CEP164: variants seen among roughly 807,000 people sequenced by gnomAD.
CEP164 encodes centrosomal protein of 164 kDa.
In CEP164, 162 loss-of-function variants were observed where a neutral mutation model predicts 182.7. That is an observed-to-expected ratio of 0.89 (90% CI 0.78 to 1.01). The LOEUF is 1.01. Among genes scored for constraint, CEP164 ranks in the 50% least tolerant of loss-of-function variants. CEP164 has a pLI of 0.00. For missense variants in CEP164, 1,735 were observed against 1,790.4 expected (o/e 0.97, Z 0.56); for synonymous variants, 661 against 690.0 (o/e 0.96, Z 0.66).
chr11:117,354,741 AATT>A (rs1357886320), intron 5 of CEP164, among the ~76,000 whole-genome samples: 8 of 149,366 alleles, frequency 5.4e-5, no homozygotes, highest in South Asian at 2.1e-4. Context: ...TAATTTTTTA[AATT>A]ATTATTTTTT....
At chr11:117,364,884 A>G (rs2041445167) in intron 8 of CEP164, among the ~76,000 whole-genome samples, 1 of 152,164 alleles carries the variant, frequency 6.6e-6, no homozygotes, top group Admixed American at 6.5e-5. Flanking sequence ...CCTTTTGATT[A>G]TGACTTTACA....
chr11:117,409,906 C>T lies in CEP164; in HGVS notation c.4037C>T (p.Ser1346Phe). The stretch of plus-strand genomic sequence containing the variant: ...TCAGGGCAGGGGCCCAGGCTCCCCT[C>T]CTCTGTGGCTCAAACGGTGGACGAC... ...WDSGQGPRLPSSVAQTVDDFL... is the reference protein window; with the variant it reads ...WDSGQGPRLPFSVAQTVDDFL... Residue 1346 changes from serine to phenylalanine, a missense_variant, in exon 30 of 33, where the codon TCC becomes TTC. Ser to Phe is a radical substitution (Grantham distance 155). Coordinates refer to ENST00000278935, the MANE Select transcript of CEP164 (RefSeq NM_014956.5). This position sits in a 1 kb window ranked among gnomAD's most constrained non-coding sequence, Gnocchi z 4.4. 6.2e-7 allele frequency: 1 copy of T among 1,614,152 alleles called. No individual in the cohort carries two copies. Among genetic ancestry groups the T allele is most frequent in the East Asian group, 2.2e-5 (1 of 44,882 alleles).
intron 2 of CEP164, chr11:117,336,777 G>A: frequency 4.9e-6 from 3 of 607,202 alleles, no homozygotes; most frequent in Non-Finnish European, 8.9e-6. Flanking sequence ...CAGCTTCTGA[G>A]GAAGTGGGGA....
At chr11:117,344,372 G>A (rs1337110984) in intron 4 of CEP164, 95 bp downstream of exon 4, 10 of 793,110 alleles carry the variant, frequency 1.3e-5, no homozygotes, top group Non-Finnish European at 2.1e-5. Flanking sequence ...GCTTTTCCAA[G>A]CCTATCCTGT....
In CEP164 at chr11:117,387,305, C is replaced by T. The variant is rs1054579086; in HGVS notation, c.1827C>T (p.His609=). The T allele has an allele frequency of 1.2e-6, 2 of 1,614,196 alleles. No homozygotes were observed. The highest frequency in any genetic ancestry group is 1.7e-6 in the Non-Finnish European group (2 of 1,180,046). The change falls in exon 15 of 33, where the codon CAC becomes CAT. Residue 609 remains histidine (H), a synonymous_variant. Coordinates refer to ENST00000278935, the MANE Select transcript of CEP164 (RefSeq NM_014956.5). The stretch of plus-strand genomic sequence containing the variant: ...AAGTACTCGAGCAAGACCAGAGGCA[C>T]CTGCTGGAATCCAAGCAAGAGAAGA... The part of the protein sequence containing the change: ...VAQVLEQDQR[H]LLESKQEKMQ...
At chr11:117,391,516 A>T (rs2044650236) in intron 17 of CEP164, among the ~76,000 whole-genome samples, 1 of 152,096 alleles carries the variant, frequency 6.6e-6, no homozygotes, top group African/African-American at 2.4e-5. Flanking sequence ...GAGAACCCTC[A>T]GAGGCTTGAG....
At position 117,371,451 on chromosome 11, in the gene CEP164, T is replaced by A. The variant is rs550044351; in HGVS notation, c.1137T>A (p.Ser379Arg). The A allele has an allele frequency of 6.2e-7, 1 of 1,609,128 alleles. No individual in the cohort carries two copies. The highest frequency in any genetic ancestry group is 1.1e-5 in the South Asian group (1 of 90,550). The change falls in exon 9 of 33, where the codon AGT becomes AGA. Residue 379 changes from serine to arginine, a missense_variant. By Grantham distance (110) the Ser-to-Arg change is moderately radical (BLOSUM62 -1). Coordinates refer to ENST00000278935, the MANE Select transcript of CEP164 (RefSeq NM_014956.5). ...KKKASALEEGSSDASQELEIS... is the reference protein window; with the variant it reads ...KKKASALEEGRSDASQELEIS... ...AGGCTTCTGCTCTGGAAGAGGGCAG[T>A]TCAGACGCCAGCCAAGTAAGTCACT...
intron 1 of CEP164, among the ~76,000 whole-genome samples, chr11:117,330,077 G>A (rs1383676522): frequency 2.0e-5 from 3 of 151,938 alleles, no homozygotes; most frequent in Admixed American, 6.6e-5. Flanking sequence ...TTCCTCTGCC[G>A]TGAATTCCCT....
intron 5 of CEP164, chr11:117,356,332 A>G (rs1478960677): frequency 3.5e-6 from 4 of 1,143,490 alleles, no homozygotes; most frequent in African/African-American, 3.3e-5. Context: ...TGCCGTGCAG[A>G]CACAGCGCCA....
chr11:117,372,113 T>TC lies in CEP164; in HGVS notation c.1152+647_1152+648insC, dbSNP rs1482365807. Among the ~76,000 whole-genome samples the TC allele has an allele frequency of 2.7e-5, 4 of 149,216 alleles. No homozygotes were observed. In the East Asian group the frequency reaches 7.9e-4, roughly 29 times the overall value. On this transcript the variant is annotated intron_variant, in intron 9 of 32. Coordinates refer to ENST00000278935, the MANE Select transcript of CEP164 (RefSeq NM_014956.5). ...ACCTCATCATAGTTCAGGGTATTTT[T>TC]TTTTTTTTTTTTAAGACAGAGTCTC... is the stretch of plus-strand genomic sequence containing the variant.
Position 117,409,010 on chromosome 11 carries a change from T to C in CEP164, c.3730T>C (p.Trp1244Arg). Residue 1244 changes from tryptophan to arginine, a missense_variant, in exon 29 of 33, where the codon TGG becomes CGG. By Grantham distance (101) the Trp-to-Arg change is moderately radical. Coordinates refer to ENST00000278935, the MANE Select transcript of CEP164 (RefSeq NM_014956.5). This position sits in a 1 kb window ranked among gnomAD's most constrained non-coding sequence, Gnocchi z 4.4. ...ATCTTTTTCCCCGCCTCACCGTGAG[T>C]GGTGGCGGCAGCAGAGGAGTGAGTG... Reference protein sequence around the residue: ...SESFSPPHREWWRQQRIDSTP... With the variant: ...SESFSPPHRERWRQQRIDSTP... The C allele has an allele frequency of 6.2e-7, 1 of 1,613,352 alleles. No homozygotes were observed. The highest frequency in any genetic ancestry group is 8.5e-7 in the Non-Finnish European group (1 of 1,179,802).
Position 117,397,143 on chromosome 11 carries a change from C to T in CEP164, c.3331C>T (p.Arg1111Cys), listed in dbSNP as rs777952543. 5.0e-6 allele frequency: 8 copies of T among 1,614,218 alleles called. No homozygotes were observed. In the Admixed American group the frequency reaches 5.0e-5, roughly 10 times the overall value. Reference sequence around the variant, plus strand: ...CCTCTCTGCTGAGGGGGTAGCCCTCCGTAGTGCCAAGGAGTTCCTTGTGCA... The same window carrying T: ...CCTCTCTGCTGAGGGGGTAGCCCTCTGTAGTGCCAAGGAGTTCCTTGTGCA... ...HLLSAEGVAL[R>C]SAKEFLVQQT... The change falls in exon 27 of 33, where the codon CGT becomes TGT. Residue 1111 changes from arginine to cysteine, a missense_variant. Arg to Cys is a radical substitution (Grantham distance 180, BLOSUM62 -3). Coordinates refer to ENST00000278935, the MANE Select transcript of CEP164 (RefSeq NM_014956.5).
At chr11:117,412,041 C>G (rs377318236) in intron 32 of CEP164, 31 bp from the exon 33 acceptor site, 2 of 1,612,270 alleles carry the variant, frequency 1.2e-6, no homozygotes, top group East Asian at 2.2e-5. Context: ...CTATGCCCAG[C>G]GACTGCAGTT....
chr11:117,385,071 A>G (rs1244694091), intron 14 of CEP164: 1 of 152,248 alleles, frequency 6.6e-6, no homozygotes, highest in Non-Finnish European at 1.5e-5. Flanking sequence ...TTGTGGTAGT[A>G]CCATGAAAAC....
At position 117,409,196 on chromosome 11, in the gene CEP164, T is replaced by A. The variant is rs771366738; in HGVS notation, c.3748+168T>A. ...CTGGGAAGGAATCACACCATCTAGG[T>A]TTGCCAGCACGTGGGGCTGAAAGGT... On this transcript the variant is annotated intron_variant, in intron 29 of 32. Transcript: ENST00000278935. This position sits in a 1 kb window ranked among gnomAD's most constrained non-coding sequence, Gnocchi z 4.4. 2.0e-5 allele frequency: 18 copies of A among 907,582 alleles called. No homozygotes were observed. Among genetic ancestry groups the A allele is most frequent in the Non-Finnish European group, 2.8e-5 (17 of 609,794 alleles). 56.2% of individuals were successfully genotyped at this position (907,582 alleles called of 1,614,324 possible).
intron 1 of CEP164, among the ~76,000 whole-genome samples, chr11:117,332,569 TC>T (rs776371659): frequency 6.6e-6 from 1 of 151,972 alleles, no homozygotes; most frequent in Non-Finnish European, 1.5e-5. Context: ...AGAGCGAAAC[TC>T]CTCTGTCTCA....
intron 3 of CEP164, among the ~76,000 whole-genome samples, chr11:117,341,873 A>G (rs1180781608): frequency 6.6e-6 from 1 of 152,070 alleles, no homozygotes; most frequent in Non-Finnish European, 1.5e-5. Context: ...TGCAGGTTTC[A>G]GTTAACTGTC....
At chr11:117,364,625 G>A (rs1592178861) in intron 8 of CEP164, among the ~76,000 whole-genome samples, 1 of 150,548 alleles carries the variant, frequency 6.6e-6, no homozygotes, top group Non-Finnish European at 1.5e-5. Context: ...GTACACGTCA[G>A]CCTCCCAAGT....
chr11:117,345,237 A>G (rs376711504), intron 4 of CEP164, among the ~76,000 whole-genome samples: 1 of 152,144 alleles, frequency 6.6e-6, no homozygotes, highest in African/African-American at 2.4e-5. Flanking sequence ...GAGAGGAAAG[A>G]CAGAGTGGCC....
Sources: allele counts gnomAD v4.1 joint callset (sites outside exome capture counted in the v4.1 genomes callset), GRCh38; gene constraint gnomAD v4.1.1; non-coding constraint Gnocchi (gnomAD v3.1); transcripts MANE v1.5; gene names NCBI Gene and HGNC (gene_info 2026-07-23, HGNC 2026-07-21).